The following MAP1B variants were observed in gnomAD, a reference collection of about 807,000 sequenced individuals.
MAP1B encodes the protein microtubule-associated protein 1B.
A neutral mutation model predicts 176.1 loss-of-function variants in MAP1B; 12 were observed. That is an observed-to-expected ratio of 0.07 (90% CI 0.04 to 0.11). The LOEUF (loss-of-function observed/expected upper bound fraction) is 0.11, where lower values mean the gene tolerates loss of function less well. Ranked by LOEUF, MAP1B falls within the 10% of genes least tolerant of loss-of-function variation. MAP1B has a pLI of 1.00. For missense variants in MAP1B, 2,523 were observed against 2,990.5 expected (o/e 0.84, Z 3.65); for synonymous variants, 1,044 against 1,135.0 (o/e 0.92, Z 1.61).
At chr5:72,107,743 C>A in intron 1 of MAP1B, 28 bp downstream of exon 1, 2 of 1,595,648 alleles carry the variant, frequency 1.3e-6, no homozygotes. Flanking sequence ...CCCAGAGACG[C>A]GCGCTGGGAG....
chr5:72,186,930 T>G lies in MAP1B; in HGVS notation c.510+176T>G, dbSNP rs1746921693. 6.6e-6 allele frequency among the ~76,000 whole-genome samples: 1 copy of G among 152,240 alleles called. No homozygotes were observed. The highest frequency in any genetic ancestry group is 6.5e-5 in the Admixed American group (1 of 15,290). ...TCTATGGCTCATTGCCAAAAGAATT[T>G]AGAGCACTCATTTACAATTAATTGG... On this transcript the variant is annotated intron_variant, in intron 4 of 6. Coordinates refer to ENST00000296755, the MANE Select transcript of MAP1B (RefSeq NM_005909.5). This position sits in a 1 kb window ranked among gnomAD's most constrained non-coding sequence, Gnocchi z 4.3.
chr5:72,135,397 G>C (rs576976011), intron 2 of MAP1B, among the ~76,000 whole-genome samples: 309 of 152,204 alleles, frequency 2.0e-3, no homozygotes, highest in African/African-American at 7.1e-3. Flanking sequence ...TAAAGGTGGT[G>C]GTTTTCTTTT....
intron 2 of MAP1B, among the ~76,000 whole-genome samples, chr5:72,170,317 C>T (rs777325735): frequency 3.3e-5 from 5 of 152,176 alleles, no homozygotes; most frequent in Non-Finnish European, 5.9e-5. Flanking sequence ...TTTATCTGCT[C>T]TAAAAACAAT....
chr5:72,169,579 C>T (rs1746496111), intron 2 of MAP1B: 6 of 154,284 alleles, frequency 3.9e-5, no homozygotes, highest in Admixed American at 1.3e-4. Flanking sequence ...CTATGGGTAT[C>T]TATATTTTTA....
chr5:72,194,531 C>T lies in MAP1B; in HGVS notation c.1176C>T (p.Ser392=), dbSNP rs1747102340. 6.2e-7 allele frequency: 1 copy of T among 1,613,944 alleles called. No individual in the cohort carries two copies. The highest frequency in any genetic ancestry group is 1.3e-5 in the African/African-American group (1 of 74,912). Residue 392 remains serine, a synonymous_variant, in exon 5 of 7, where the codon TCC becomes TCT. Coordinates refer to ENST00000296755, the MANE Select transcript of MAP1B (RefSeq NM_005909.5). The surrounding 1 kb of genome is among the most constrained non-coding windows in gnomAD (Gnocchi z 7.2). ...CTCTCCAGTACCTAAACAAATTGTC[C>T]ATGAAACCAGAACCTCTGTTTAGAA... The part of the protein sequence containing the change: ...CFTLQYLNKL[S]MKPEPLFRSV...
intron 2 of MAP1B, among the ~76,000 whole-genome samples, chr5:72,132,286 A>G (rs1489176675): frequency 6.6e-6 from 1 of 152,114 alleles, no homozygotes; most frequent in African/African-American, 2.4e-5. Context: ...AGATACAAGT[A>G]TTTTTCATTA....
At chr5:72,157,068 A>G (rs1561300882) in intron 2 of MAP1B, among the ~76,000 whole-genome samples, 1 of 152,228 alleles carries the variant, frequency 6.6e-6, no homozygotes, top group Admixed American at 6.5e-5. Context: ...ACAGCAGCCC[A>G]AGTGGCCAGT....
In MAP1B at chr5:72,194,557, G is replaced by A. The variant is rs1448993443; in HGVS notation, c.1202G>A (p.Ser401Asn). The change falls in exon 5 of 7, where the codon AGT (serine) becomes AAT (asparagine). Residue 401 changes from serine (S) to asparagine (N), a missense_variant. Physicochemically the swap from Ser to Asn is conservative, Grantham distance 46 (BLOSUM62 1). This residue lies in a region of MAP1B where 1,925 missense variants were observed against 2,126.0 expected (regional missense o/e 0.91). Transcript: ENST00000296755. This position sits in a 1 kb window ranked among gnomAD's most constrained non-coding sequence, Gnocchi z 7.2. ...ATGAAACCAGAACCTCTGTTTAGAA[G>A]TGTAGGCAATACTATTGATCCTGTC... ...LSMKPEPLFRSVGNTIDPVIL... is the reference protein window; with the variant it reads ...LSMKPEPLFRNVGNTIDPVIL... The A allele has an allele frequency of 6.2e-7, 1 of 1,614,122 alleles. No homozygotes were observed. The highest frequency in any genetic ancestry group is 8.5e-7 in the Non-Finnish European group (1 of 1,180,042).
intron 2 of MAP1B, among the ~76,000 whole-genome samples, chr5:72,182,952 C>T (rs1460881983): frequency 6.6e-6 from 1 of 152,218 alleles, no homozygotes; most frequent in Non-Finnish European, 1.5e-5. Context: ...CACAGGTCTC[C>T]ATCCACTTTG....
intron 2 of MAP1B, among the ~76,000 whole-genome samples, chr5:72,171,649 G>A (rs1746545163): frequency 6.6e-6 from 1 of 152,164 alleles, no homozygotes; most frequent in African/African-American, 2.4e-5. Flanking sequence ...AAACCCAAAT[G>A]GGAGAAGTTG....
intron 2 of MAP1B, among the ~76,000 whole-genome samples, chr5:72,181,598 C>T (rs1394226233): frequency 2.6e-5 from 4 of 152,068 alleles, no homozygotes; most frequent in African/African-American, 4.8e-5. Context: ...TGCTCTGTTA[C>T]CCAGGCTAGG....
Position 72,197,950 on chromosome 5 carries a change from C to T in MAP1B, c.4595C>T (p.Thr1532Ile). ...SEGTVSDKSA[T>I]PVDEGVAEDT... ...GGTACTGTCTCAGACAAGTCAGCTA[C>T]TCCTGTTGATGAGGGCGTAGCAGAA... The change falls in exon 5 of 7, where the codon ACT becomes ATT. Residue 1532 changes from threonine to isoleucine, a missense_variant. Around this residue, in one of 4 missense-constraint regions of MAP1B, gnomAD observed 1,925 missense variants for 2,126.0 expected, o/e 0.91. Transcript: ENST00000296755. 1.9e-6 allele frequency: 3 copies of T among 1,614,218 alleles called. No individual in the cohort carries two copies. Among genetic ancestry groups the T allele is most frequent in the Non-Finnish European group, 2.5e-6 (3 of 1,180,042 alleles).
In MAP1B at chr5:72,196,825, A is replaced by C; in HGVS notation, c.3470A>C (p.Gln1157Pro). The C allele has an allele frequency of 6.2e-7, 1 of 1,614,122 alleles. No homozygotes were observed. The highest frequency in any genetic ancestry group is 8.5e-7 in the Non-Finnish European group (1 of 1,179,968). ...AATGAAGAGACGGAGTCCCCTTCTC[A>C]GGAATTCGTAAATATCACCAAATAT... ...TNNEETESPS[Q>P]EFVNITKYES... The change falls in exon 5 of 7, where the codon CAG becomes CCG. Residue 1157 changes from glutamine to proline, a missense_variant. Around this residue, in one of 4 missense-constraint regions of MAP1B, gnomAD observed 1,925 missense variants for 2,126.0 expected, o/e 0.91. Coordinates refer to ENST00000296755, the MANE Select transcript of MAP1B (RefSeq NM_005909.5). The surrounding 1 kb of genome is among the most constrained non-coding windows in gnomAD (Gnocchi z 5.3).
chr5:72,170,653 C>T (rs151325279), intron 2 of MAP1B, among the ~76,000 whole-genome samples: 2 of 152,106 alleles, frequency 1.3e-5, no homozygotes, highest in Admixed American at 6.6e-5. Context: ...GACCTTGTTG[C>T]GTGGTCCTCT....
In MAP1B at chr5:72,198,237, A is replaced by G; in HGVS notation, c.4882A>G (p.Thr1628Ala). Residue 1628 changes from threonine to alanine, a missense_variant, in exon 5 of 7, where the codon ACT becomes GCT. Physicochemically the swap from Thr to Ala is moderately conservative, Grantham distance 58. Transcript: ENST00000296755. ...SISPPDFSPK[T>A]AKSRTPVQDH... ...TTCTCCACCAGATTTCTCCCCTAAAACTGCAAAGTCCAGGACACCCGTTCA... is the reference window on the plus strand; with the variant it reads ...TTCTCCACCAGATTTCTCCCCTAAAGCTGCAAAGTCCAGGACACCCGTTCA... The G allele has an allele frequency of 6.2e-7, 1 of 1,614,112 alleles. No homozygotes were observed. Among genetic ancestry groups the G allele is most frequent in the Non-Finnish European group, 8.5e-7 (1 of 1,180,012 alleles).
In MAP1B at chr5:72,116,431, A is replaced by G. The variant is rs541910469; in HGVS notation, c.286+632A>G. On this transcript the variant is annotated intron_variant, in intron 2 of 6. Coordinates refer to ENST00000296755, the MANE Select transcript of MAP1B (RefSeq NM_005909.5). The stretch of plus-strand genomic sequence containing the variant: ...ATAGCCTTTTTTTCAGAGATGAAAA[A>G]GAATATCAAAGAATAATTAAAGGTA... 9.5e-6 allele frequency: 4 copies of G among 419,358 alleles called. No homozygotes were observed. The East Asian group carries it at 3.0e-4, about 32-fold the overall frequency. 26.0% of individuals were successfully genotyped at this position (419,358 alleles called of 1,614,324 possible).
chr5:72,134,898 G>A (rs1002389857), intron 2 of MAP1B, among the ~76,000 whole-genome samples: 4 of 147,336 alleles, frequency 2.7e-5, no homozygotes, highest in African/African-American at 1.0e-4. Context: ...CATTGATCTA[G>A]TATGTCTTAA....
intron 2 of MAP1B, among the ~76,000 whole-genome samples, chr5:72,123,726 T>C (rs1745572267): frequency 6.6e-6 from 1 of 152,230 alleles, no homozygotes; most frequent in African/African-American, 2.4e-5. Context: ...CCTCGTGATC[T>C]GCCCGCCTCG....
At chr5:72,189,203 G>C (rs1746973311) in intron 4 of MAP1B, among the ~76,000 whole-genome samples, 1 of 152,158 alleles carries the variant, frequency 6.6e-6, no homozygotes, top group Non-Finnish European at 1.5e-5. Flanking sequence ...TGAGCTTCAG[G>C]TTTTGGAGTC....
Sources: allele counts gnomAD v4.1 joint callset (sites outside exome capture counted in the v4.1 genomes callset), GRCh38; gene constraint gnomAD v4.1.1; regional missense constraint gnomAD v4.1.1; non-coding constraint Gnocchi (gnomAD v3.1); transcripts MANE v1.5; gene names NCBI Gene and HGNC (gene_info 2026-07-23, HGNC 2026-07-21).